BTBD1: variants seen among roughly 807,000 people sequenced by gnomAD.
BTBD1 encodes the protein BTB domain containing 1.
BTBD1 carries 34 observed loss-of-function variants against 48.0 expected under a neutral mutation model. The observed-to-expected ratio is 0.71, with a 90% CI of 0.54 to 0.94. The LOEUF (loss-of-function observed/expected upper bound fraction) is 0.94. Among genes scored for constraint, BTBD1 ranks in the 40% least tolerant of loss-of-function variants. The probability of loss-of-function intolerance (pLI) is 0.00; values close to 1 mark genes in which losing one functional copy is unlikely to be tolerated. For missense variants in BTBD1, 543 were observed against 625.6 expected, an observed-to-expected ratio of 0.87 and a Z score of 1.41; for synonymous variants, 261 against 242.1, an observed-to-expected ratio of 1.08 and a Z score of -0.72.
Position 83,041,931 on chromosome 15 carries a change from G to A in BTBD1, c.665-6C>T. 1.2e-6 allele frequency: 2 copies of A among 1,612,782 alleles called. No individual in the cohort carries two copies. The highest frequency in any genetic ancestry group is 1.7e-6 in the Non-Finnish European group (2 of 1,179,060). ...TAAAACTGCACAGAGTGTATCTATA[G>A]GCAAAATACAAAATAAACCCAATTA... is the stretch of plus-strand genomic sequence containing the variant. On this transcript the variant is annotated splice_region_variant and splice_polypyrimidine_tract_variant and intron_variant, in intron 3 of 7. Coordinates refer to ENST00000261721, the MANE Select transcript of BTBD1 (RefSeq NM_025238.4).
At chr15:83,046,431 CATAA>C (rs1283136751) in intron 3 of BTBD1, among the ~76,000 whole-genome samples, 1 of 152,120 alleles carries the variant, frequency 6.6e-6, no homozygotes, top group Non-Finnish European at 1.5e-5. Flanking sequence ...CAGATTGTTT[CATAA>C]ATATTAACAC....
intron 5 of BTBD1, chr15:83,028,602 T>C (rs2032456380): frequency 6.6e-6 from 1 of 152,152 alleles, no homozygotes; most frequent in East Asian, 1.9e-4. Flanking sequence ...CCTTGAGGAT[T>C]TGACAAAACT....
Position 83,041,731 on chromosome 15 carries a change from C to T in BTBD1, c.859G>A (p.Ala287Thr). The change falls in exon 4 of 8, where the codon GCA becomes ACA. Residue 287 changes from alanine (A) to threonine (T), a missense_variant. Ala to Thr is a moderately conservative substitution (Grantham distance 58). Transcript: ENST00000261721. ...TTTGGTGAATTTATACCCTTACCTG[C>T]TGCAAATTCCTCAATTGTCATCAGT... Reference protein sequence around the residue: ...FPLMTIEEFAAGPAQSGILSD... With the variant: ...FPLMTIEEFATGPAQSGILSD... The T allele has an allele frequency of 6.2e-7, 1 of 1,613,858 alleles. No homozygotes were observed.
chr15:83,027,564 G>C (rs1160771147), intron 5 of BTBD1, among the ~76,000 whole-genome samples: 1 of 152,122 alleles, frequency 6.6e-6, no homozygotes, highest in Non-Finnish European at 1.5e-5. Flanking sequence ...CTCTGTAGGA[G>C]AGCTGAACCA....
Position 83,018,199 on chromosome 15 carries a change from T to G in BTBD1, c.1317A>C (p.Lys439Asn). 6.2e-7 allele frequency: 1 copy of G among 1,601,526 alleles called. No homozygotes were observed. Residue 439 changes from lysine to asparagine, a missense_variant, in exon 8 of 8, where the codon AAA (lysine) becomes AAC (asparagine). Transcript: ENST00000261721. ...LKGPDSHYGT[K>N]GLKKVVHETP... ...TCTCATGCACTACTTTCTTCAATCCTTTTGTGCCATAGTGGGAATCTGGAC... is the reference window on the plus strand; with the variant it reads ...TCTCATGCACTACTTTCTTCAATCCGTTTGTGCCATAGTGGGAATCTGGAC...
intron 4 of BTBD1, among the ~76,000 whole-genome samples, chr15:83,036,529 T>C (rs2032633756): frequency 6.6e-6 from 1 of 152,172 alleles, no homozygotes; most frequent in African/African-American, 2.4e-5. Flanking sequence ...TGGCAGGATC[T>C]ACTAAAGCCG....
chr15:83,052,723 C>T (rs565986930), intron 2 of BTBD1, among the ~76,000 whole-genome samples: 8 of 150,304 alleles, frequency 5.3e-5, no homozygotes, highest in South Asian at 4.2e-4. Flanking sequence ...CTCTGCCTCC[C>T]GGGTTCACAC....
rs770761174 is a variant in BTBD1 at position 83,040,377 on chromosome 15, G to A, written c.862+1351C>T. 5.3e-5 allele frequency among the ~76,000 whole-genome samples: 8 copies of A among 152,142 alleles called. No individual in the cohort carries two copies. The East Asian group carries it at 7.7e-4, about 15-fold the overall frequency. On this transcript the variant is annotated intron_variant, in intron 4 of 7. Coordinates refer to ENST00000261721, the MANE Select transcript of BTBD1 (RefSeq NM_025238.4). ...ATGAAACAAATCTGCACGTTACCCC[G>A]AATTTAAAATAAAAGTTGAAATTAT...
intron 5 of BTBD1, among the ~76,000 whole-genome samples, chr15:83,029,164 GTTAAC>G (rs1243256159): frequency 2.0e-5 from 3 of 152,066 alleles, no homozygotes; most frequent in Admixed American, 1.3e-4. Context: ...TAATTTCCAT[GTTAAC>G]TTAAGATTTA....
Position 83,066,861 on chromosome 15 carries a change from C to T in BTBD1, c.291G>A (p.Leu97=). The T allele has an allele frequency of 6.8e-7, 1 of 1,464,186 alleles. No homozygotes were observed. Among genetic ancestry groups the T allele is most frequent in the Non-Finnish European group, 9.0e-7 (1 of 1,111,396 alleles). The allele number at this position is 1,464,186 out of a possible 1,614,324, so 90.7% of individuals were successfully genotyped here. A position where few individuals can be genotyped will look rare whatever the true frequency, so the allele number is the denominator to read the frequency against. The change falls in exon 1 of 8, where the codon CTG becomes CTA. Residue 97 remains leucine, a synonymous_variant. Transcript: ENST00000261721. Reference sequence around the variant, plus strand: ...CGTCAAAGACGGCGCTGCCGGCCGCCAGCACGAAGCGGTGGGCGGGGATGC... The same window carrying T: ...CGTCAAAGACGGCGCTGCCGGCCGCTAGCACGAAGCGGTGGGCGGGGATGC... The part of the protein sequence containing the change: ...PQRIPAHRFV[L]AAGSAVFDAM...
At chr15:83,036,971 T>A (rs1235603265) in intron 4 of BTBD1, among the ~76,000 whole-genome samples, 2 of 152,168 alleles carry the variant, frequency 1.3e-5, no homozygotes, top group African/African-American at 2.4e-5. Context: ...GATAAATTGG[T>A]TAAATAAGTA....
chr15:83,061,784 C>A (rs1357614187), intron 1 of BTBD1: 1 of 152,224 alleles, frequency 6.6e-6, no homozygotes, highest in African/African-American at 2.4e-5. Context: ...AGACGACAAA[C>A]CACCTAAGTG....
At chr15:83,039,579 C>G (rs2032702909) in intron 4 of BTBD1, among the ~76,000 whole-genome samples, 1 of 151,900 alleles carries the variant, frequency 6.6e-6, no homozygotes, top group Admixed American at 6.6e-5. Context: ...TCAAGACCAG[C>G]CTGCACAACA....
At chr15:83,028,534 C>T (rs896460514) in intron 5 of BTBD1, 4 of 151,972 alleles carry the variant, frequency 2.6e-5, no homozygotes, top group African/African-American at 9.7e-5. Flanking sequence ...GTTATGCTTC[C>T]TTCAATAATT....
chr15:83,050,319 C>CACGCA, intron 2 of BTBD1, 141 bp from the exon 3 acceptor site: 1 of 550,100 alleles, frequency 1.8e-6, no homozygotes, highest in Non-Finnish European at 3.2e-6. Context: ...ATAATGTCTA[C>CACGCA]ATATTCTTAA....
chr15:83,052,797 A>ATTTTTTT lies in BTBD1; in HGVS notation c.559-2626_559-2620dup, dbSNP rs398028150. On this transcript the variant is annotated intron_variant, in intron 2 of 7. Coordinates refer to ENST00000261721, the MANE Select transcript of BTBD1 (RefSeq NM_025238.4). ...AGGCGCCCACCACCTCGCCCGGCTA[A>ATTTTTTT]TTTTTTTTTTTTTTTTTTTTTTTTA... is the stretch of plus-strand genomic sequence containing the variant. 5.5e-3 allele frequency among the ~76,000 whole-genome samples: 523 copies of ATTTTTTT among 94,518 alleles called. 34 individuals are homozygous for ATTTTTTT. Among genetic ancestry groups the ATTTTTTT allele is most frequent in the African/African-American group, 0.013 (303 of 22,704 alleles). The allele number at this position is 94,518 out of a possible 152,430, so 62.0% of individuals were successfully genotyped here.
intron 4 of BTBD1, among the ~76,000 whole-genome samples, chr15:83,033,575 A>T (rs28625494): frequency 6.6e-6 from 1 of 152,254 alleles, no homozygotes; most frequent in African/African-American, 2.4e-5. Context: ...TAATTTAAAA[A>T]TTTTAATTTT....
intron 4 of BTBD1, among the ~76,000 whole-genome samples, chr15:83,034,725 CTAAAA>C (rs1371287569): frequency 6.6e-6 from 1 of 151,658 alleles, no homozygotes; most frequent in Non-Finnish European, 1.5e-5. Context: ...TTGAAGGTAC[CTAAAA>C]TAAAGAAGAA....
intron 4 of BTBD1, among the ~76,000 whole-genome samples, chr15:83,034,315 A>G (rs978625856): frequency 6.6e-6 from 1 of 152,228 alleles, no homozygotes; most frequent in Non-Finnish European, 1.5e-5. Context: ...CCAATATCAG[A>G]CAAAGACTTT....
Sources: gnomAD v4.1 joint callset for allele counts (sites outside exome capture counted in the v4.1 genomes callset) on GRCh38, gnomAD v4.1.1 for gene constraint, MANE v1.5 for transcripts, NCBI Gene and HGNC (gene_info 2026-07-23, HGNC 2026-07-21) for gene names.